The following ADAMTS12 variants were observed in gnomAD, a reference collection of about 807,000 sequenced individuals.
ADAMTS12 encodes ADAM metallopeptidase with thrombospondin type 1 motif 12.
In ADAMTS12, 118 loss-of-function variants were observed where a neutral mutation model predicts 167.8. The observed-to-expected ratio is 0.70, with a 90% CI of 0.61 to 0.82. ADAMTS12 has a LOEUF of 0.82. Among genes scored for constraint, ADAMTS12 ranks in the 40% least tolerant of loss-of-function variants. The probability of loss-of-function intolerance (pLI) is 0.00; values close to 1 mark genes in which losing one functional copy is unlikely to be tolerated. For synonymous variants in ADAMTS12, 704 were observed against 716.9 expected, an observed-to-expected ratio of 0.98 and a Z score of 0.29; for missense variants, 1,916 against 1,998.8, an observed-to-expected ratio of 0.96 and a Z score of 0.79.
intron 2 of ADAMTS12, among the ~76,000 whole-genome samples, chr5:33,852,425 G>T (rs1406232363): frequency 2.0e-5 from 3 of 152,146 alleles, no homozygotes; most frequent in South Asian, 2.1e-4. Context: ...AAATCAAACG[G>T]GAAAAAACAG....
At chr5:33,823,910 A>G (rs2112506802) in intron 2 of ADAMTS12, among the ~76,000 whole-genome samples, 1 of 152,210 alleles carries the variant, frequency 6.6e-6, no homozygotes, top group East Asian at 1.9e-4. Flanking sequence ...AAAATAATTG[A>G]TGAATATGTT....
At chr5:33,810,359 G>C (rs1168635465) in intron 2 of ADAMTS12, among the ~76,000 whole-genome samples, 1 of 152,132 alleles carries the variant, frequency 6.6e-6, no homozygotes, top group Non-Finnish European at 1.5e-5. Context: ...TTTTAATCAG[G>C]CATAACAACT....
intron 2 of ADAMTS12, among the ~76,000 whole-genome samples, chr5:33,813,997 T>C (rs924295160): frequency 1.3e-5 from 2 of 152,244 alleles, no homozygotes; most frequent in Non-Finnish European, 2.9e-5. Context: ...TTTCAGGAAA[T>C]TGGGGCATAT....
intron 13 of ADAMTS12, among the ~76,000 whole-genome samples, chr5:33,626,582 GAT>G (rs1739626964): frequency 6.6e-6 from 1 of 151,120 alleles, no homozygotes; most frequent in Non-Finnish European, 1.5e-5. Context: ...TGGTGGTGGT[GAT>G]TTAATGGTAA....
At chr5:33,842,253 T>A (rs939904908) in intron 2 of ADAMTS12, among the ~76,000 whole-genome samples, 5 of 152,234 alleles carry the variant, frequency 3.3e-5, no homozygotes, top group Non-Finnish European at 1.5e-5. Context: ...AAAAGCGAAA[T>A]GTGCTTTCTT....
intron 17 of ADAMTS12, 142 bp downstream of exon 17, chr5:33,595,792 A>G: frequency 8.2e-7 from 1 of 1,222,126 alleles, no homozygotes; most frequent in East Asian, 2.4e-5. Context: ...CAGCATAGCC[A>G]CAGAAAACTC....
At position 33,601,924 on chromosome 5, in the gene ADAMTS12, G is replaced by T. The variant is rs116182748; in HGVS notation, c.2528-5864C>A. Among the ~76,000 whole-genome samples the T allele has an allele frequency of 5.5e-3, 830 of 152,244 alleles. 8 individuals carry two copies. The highest frequency in any genetic ancestry group is 0.019 in the African/African-American group (789 of 41,538). ...ATAGTCTTAGGTAGAAAAAGATTCTGCCCTATGAAGGAGATATTTTCAAAA... is the reference window on the plus strand; with the variant it reads ...ATAGTCTTAGGTAGAAAAAGATTCTTCCCTATGAAGGAGATATTTTCAAAA... On this transcript the variant is annotated intron_variant, in intron 16 of 23. Coordinates refer to ENST00000504830, the MANE Select transcript of ADAMTS12 (RefSeq NM_030955.4).
chr5:33,764,778 T>C (rs572485185), intron 2 of ADAMTS12, among the ~76,000 whole-genome samples: 1 of 152,002 alleles, frequency 6.6e-6, no homozygotes, highest in East Asian at 1.9e-4. Flanking sequence ...GAAGACAGAA[T>C]GGCTAAGTGC....
intron 7 of ADAMTS12, among the ~76,000 whole-genome samples, chr5:33,655,223 C>A (rs747779726): frequency 7.9e-5 from 12 of 152,252 alleles, no homozygotes; most frequent in Non-Finnish European, 4.4e-5. Flanking sequence ...CATAGACTCA[C>A]TACTAGCTGC....
intron 7 of ADAMTS12, among the ~76,000 whole-genome samples, chr5:33,655,932 T>C (rs1351148397): frequency 6.6e-6 from 1 of 152,222 alleles, no homozygotes; most frequent in East Asian, 1.9e-4. Context: ...CCTGTGTTAG[T>C]TTGCTGAGAA....
At chr5:33,538,506 T>C (rs1343148781) in intron 22 of ADAMTS12, among the ~76,000 whole-genome samples, 3 of 152,136 alleles carry the variant, frequency 2.0e-5, no homozygotes, top group African/African-American at 7.2e-5. Context: ...TGAGATACAA[T>C]GGGACTTGCT....
At chr5:33,559,401 T>A (rs1464158693) in intron 20 of ADAMTS12, among the ~76,000 whole-genome samples, 1 of 152,088 alleles carries the variant, frequency 6.6e-6, no homozygotes. Context: ...CCCTGAATTA[T>A]CCCCCAAGAA....
chr5:33,775,342 T>C (rs1745879458), intron 2 of ADAMTS12, among the ~76,000 whole-genome samples: 1 of 152,024 alleles, frequency 6.6e-6, no homozygotes, highest in Non-Finnish European at 1.5e-5. Flanking sequence ...AAAGGGCCCA[T>C]GGAAAAGGTG....
At chr5:33,603,880 T>C (rs1307595795) in intron 16 of ADAMTS12, among the ~76,000 whole-genome samples, 2 of 152,108 alleles carry the variant, frequency 1.3e-5, no homozygotes, top group Admixed American at 1.3e-4. Flanking sequence ...GGCACCACAC[T>C]CAAATGTAGT....
intron 22 of ADAMTS12, among the ~76,000 whole-genome samples, chr5:33,545,203 T>C (rs1744910321): frequency 6.6e-6 from 1 of 152,088 alleles, no homozygotes; most frequent in Non-Finnish European, 1.5e-5. Context: ...GGGCAAAGGA[T>C]ATGAATAGAC....
intron 16 of ADAMTS12, among the ~76,000 whole-genome samples, chr5:33,596,553 G>C (rs1337321845): frequency 1.3e-5 from 2 of 152,142 alleles, no homozygotes; most frequent in Non-Finnish European, 1.5e-5. Flanking sequence ...GTGTTGGTGG[G>C]CTCCTGTCAT....
intron 5 of ADAMTS12, among the ~76,000 whole-genome samples, chr5:33,666,715 T>G (rs1741484076): frequency 6.6e-6 from 1 of 152,120 alleles, no homozygotes; most frequent in South Asian, 2.1e-4. Flanking sequence ...ATGGTCTTGA[T>G]CTCTTGACCT....
At chr5:33,539,424 T>C (rs141011245) in intron 22 of ADAMTS12, among the ~76,000 whole-genome samples, 1 of 152,352 alleles carries the variant, frequency 6.6e-6, no homozygotes, top group African/African-American at 2.4e-5. Flanking sequence ...AGTCTGACTA[T>C]GCCTAAAGCT....
intron 2 of ADAMTS12, among the ~76,000 whole-genome samples, chr5:33,876,280 G>A (rs191248121): frequency 1.2e-3 from 189 of 152,214 alleles, no homozygotes; most frequent in African/African-American, 4.1e-3. Flanking sequence ...AGATTTTGTA[G>A]ACAAGATTAT....
Sources: gnomAD v4.1 joint callset for allele counts (sites outside exome capture counted in the v4.1 genomes callset) on GRCh38, gnomAD v4.1.1 for gene constraint, MANE v1.5 for transcripts, NCBI Gene and HGNC (gene_info 2026-07-23, HGNC 2026-07-21) for gene names.